The following PTPRN2 variants were observed in gnomAD, a reference collection of about 807,000 sequenced individuals.
PTPRN2 encodes receptor-type tyrosine-protein phosphatase N2.
PTPRN2 carries 74 observed loss-of-function variants against 118.8 expected under a neutral mutation model. The observed-to-expected ratio is 0.62, with a 90% CI of 0.52 to 0.76. The LOEUF (loss-of-function observed/expected upper bound fraction) is 0.76. Among genes scored for constraint, PTPRN2 ranks in the 30% least tolerant of loss-of-function variants. The pLI, the probability that PTPRN2 is intolerant of heterozygous loss-of-function variation, is 0.00. For synonymous variants in PTPRN2, 641 were observed against 608.0 expected (o/e 1.05, Z -0.80); for missense variants, 1,481 against 1,394.4 (o/e 1.06, Z -0.99).
chr7:158,207,954 A>T (rs1221855968), intron 3 of PTPRN2, among the ~76,000 whole-genome samples: 1 of 152,246 alleles, frequency 6.6e-6, no homozygotes, highest in Non-Finnish European at 1.5e-5. Context: ...TAGAATAATT[A>T]AAAACAATCA....
At chr7:158,585,990 G>C (rs961607721) in intron 1 of PTPRN2, among the ~76,000 whole-genome samples, 2 of 152,242 alleles carry the variant, frequency 1.3e-5, no homozygotes, top group African/African-American at 4.8e-5. Context: ...GGAGGAGGCA[G>C]AGTGAGCAAG....
chr7:157,989,105 G>A (rs916410430), intron 11 of PTPRN2, among the ~76,000 whole-genome samples: 1 of 152,254 alleles, frequency 6.6e-6, no homozygotes, highest in Non-Finnish European at 1.5e-5. Context: ...TCCCGGCACA[G>A]CTCAGGCTGA....
intron 3 of PTPRN2, among the ~76,000 whole-genome samples, chr7:158,269,315 C>G (rs895400265): frequency 8.5e-5 from 13 of 152,238 alleles, no homozygotes; most frequent in African/African-American, 2.9e-4. Flanking sequence ...AAGGCCATGC[C>G]TGGTGCAGAA....
At chr7:157,985,890 G>C in intron 11 of PTPRN2, among the ~76,000 whole-genome samples, 1 of 151,062 alleles carries the variant, frequency 6.6e-6, no homozygotes, top group East Asian at 1.9e-4. Context: ...GAAATGCTTG[G>C]GGTTGAATCT....
chr7:157,591,884 G>A lies in PTPRN2; in HGVS notation c.2496+3354C>T, dbSNP rs1270941265. 6.6e-6 allele frequency among the ~76,000 whole-genome samples: 1 copy of A among 152,198 alleles called. No homozygotes were observed. Among genetic ancestry groups the A allele is most frequent in the Non-Finnish European group, 1.5e-5 (1 of 68,036 alleles). On this transcript the variant is annotated intron_variant, in intron 17 of 22. Transcript: ENST00000389418. The surrounding 1 kb of genome is among the most constrained non-coding windows in gnomAD (Gnocchi z 4.4). ...ATGACGTGGAAGCAATGACGTCGTGGTCAGGGACGTCTGCAGGGAGCAAAA... is the reference window on the plus strand; with the variant it reads ...ATGACGTGGAAGCAATGACGTCGTGATCAGGGACGTCTGCAGGGAGCAAAA...
chr7:157,730,973 G>A (rs929792909), intron 12 of PTPRN2, among the ~76,000 whole-genome samples: 2 of 152,126 alleles, frequency 1.3e-5, no homozygotes, highest in South Asian at 4.1e-4. Context: ...TTTGTGGCAG[G>A]TGAGCTCACG....
At chr7:157,655,906 A>T (rs561599471) in intron 14 of PTPRN2, among the ~76,000 whole-genome samples, 5 of 151,932 alleles carry the variant, frequency 3.3e-5, no homozygotes, top group African/African-American at 1.2e-4. Flanking sequence ...AGAGCCGAGC[A>T]CCCAGCCCAC....
intron 12 of PTPRN2, among the ~76,000 whole-genome samples, chr7:157,716,548 G>A (rs1373493272): frequency 3.5e-5 from 2 of 56,976 alleles, no homozygotes; most frequent in East Asian, 5.8e-4. Flanking sequence ...GCCTGGCCAC[G>A]TAGACTCTGC....
At chr7:158,336,742 C>T (rs1217706924) in intron 2 of PTPRN2, among the ~76,000 whole-genome samples, 5 of 82,550 alleles carry the variant, frequency 6.1e-5, no homozygotes, top group Admixed American at 1.3e-4. Context: ...CGCCCGCAGA[C>T]GTCACTCACA....
At chr7:158,058,338 C>A (rs1271845790) in intron 11 of PTPRN2, among the ~76,000 whole-genome samples, 2 of 139,206 alleles carry the variant, frequency 1.4e-5, no homozygotes, top group Non-Finnish European at 3.0e-5. Context: ...GACATCACTA[C>A]AGCCACGCTC....
At chr7:158,585,080 C>A (rs1245590183) in intron 1 of PTPRN2, among the ~76,000 whole-genome samples, 1 of 152,196 alleles carries the variant, frequency 6.6e-6, no homozygotes, top group Non-Finnish European at 1.5e-5. Flanking sequence ...CATCTTTAAT[C>A]GAGCCTCATT....
rs1006262391 is a variant in PTPRN2, at chr7:157,717,594, C to T, written c.1789-34657G>A. ...GGTCTATGGACTCCTTCATGGAAAT[C>T]GCTCCCTTGCGTCTCCTCATGTGGA... On this transcript the variant is annotated intron_variant, in intron 12 of 22. Transcript: ENST00000389418. 5.9e-5 allele frequency among the ~76,000 whole-genome samples: 9 copies of T among 152,302 alleles called. No individual in the cohort carries two copies. In the East Asian group the frequency reaches 9.6e-4, roughly 16 times the overall value.
At chr7:157,766,193 A>T (rs1802471348) in intron 12 of PTPRN2, among the ~76,000 whole-genome samples, 1 of 115,156 alleles carries the variant, frequency 8.7e-6, no homozygotes, top group Non-Finnish European at 1.8e-5. Context: ...CAATCCATCC[A>T]TCCATCCATC....
chr7:157,631,280 A>G (rs546478816), intron 14 of PTPRN2, among the ~76,000 whole-genome samples: 1 of 152,366 alleles, frequency 6.6e-6, no homozygotes, highest in South Asian at 2.1e-4. Context: ...GTTGGTATGC[A>G]GTTCGGGTGG....
intron 12 of PTPRN2, among the ~76,000 whole-genome samples, chr7:157,824,931 C>T (rs1267742117): frequency 1.3e-5 from 2 of 152,146 alleles, no homozygotes; most frequent in African/African-American, 2.4e-5. Flanking sequence ...CACCCAGGGC[C>T]CACATTAGGG....
At chr7:157,799,352 T>C (rs2151091648) in intron 12 of PTPRN2, among the ~76,000 whole-genome samples, 1 of 152,148 alleles carries the variant, frequency 6.6e-6, no homozygotes, top group East Asian at 1.9e-4. Flanking sequence ...AGACCCCACA[T>C]CGCCATCTCT....
At chr7:158,147,014 G>C (rs368460190) in intron 6 of PTPRN2, among the ~76,000 whole-genome samples, 1 of 5,742 alleles carries the variant, frequency 1.7e-4, no homozygotes. Context: ...CTCACGCCAC[G>C]TGTCTTTCCC....
intron 2 of PTPRN2, among the ~76,000 whole-genome samples, chr7:158,364,179 G>T (rs1809244709): frequency 6.6e-6 from 1 of 150,448 alleles, no homozygotes; most frequent in African/African-American, 2.5e-5. Context: ...CTCTCGCCAT[G>T]CTTCCCACAG....
intron 12 of PTPRN2, among the ~76,000 whole-genome samples, chr7:157,683,624 C>T (rs1463932484): frequency 6.6e-6 from 1 of 152,074 alleles, no homozygotes; most frequent in Non-Finnish European, 1.5e-5. Context: ...GCCTTTGGAA[C>T]TTCACTTCTC....
Sources: allele counts gnomAD v4.1 joint callset (sites outside exome capture counted in the v4.1 genomes callset), GRCh38; gene constraint gnomAD v4.1.1; non-coding constraint Gnocchi (gnomAD v3.1); transcripts MANE v1.5; gene names NCBI Gene and HGNC (gene_info 2026-07-23, HGNC 2026-07-21).